The following PRLR variants were observed in gnomAD, a reference collection of about 807,000 sequenced individuals.
PRLR encodes hPRL receptor.
In PRLR, 13 loss-of-function variants were observed where a neutral mutation model predicts 40.2. That is an observed-to-expected ratio of 0.32 (90% CI 0.21 to 0.51). PRLR has a LOEUF of 0.51. Ranked by LOEUF, PRLR falls within the 20% of genes least tolerant of loss-of-function variation. The probability of loss-of-function intolerance (pLI) is 0.97; values close to 1 mark genes in which losing one functional copy is unlikely to be tolerated. For missense variants in PRLR, 656 were observed against 747.3 expected (o/e 0.88, Z 1.42); for synonymous variants, 269 against 278.7 (o/e 0.97, Z 0.35).
chr5:35,072,121 C>T (rs1469335215), intron 6 of PRLR, among the ~76,000 whole-genome samples: 3 of 152,052 alleles, frequency 2.0e-5, no homozygotes, highest in Non-Finnish European at 4.4e-5. Flanking sequence ...TTGTCTTGAA[C>T]TCCTGACCTC....
chr5:35,149,249 T>C (rs1292030269), intron 1 of PRLR, among the ~76,000 whole-genome samples: 1 of 152,162 alleles, frequency 6.6e-6, no homozygotes, highest in African/African-American at 2.4e-5. Flanking sequence ...TATCAGAATG[T>C]CTATTATCAG....
chr5:35,124,825 G>C (rs1219294826), intron 1 of PRLR, among the ~76,000 whole-genome samples: 2 of 152,152 alleles, frequency 1.3e-5, no homozygotes, highest in Admixed American at 1.3e-4. Flanking sequence ...AATTTGTCCA[G>C]AGCCCTTATT....
rs946856560 is a variant in PRLR at position 35,058,502 on chromosome 5, A to G, written c.*6587T>C. On this transcript the variant is annotated 3_prime_UTR_variant, in exon 10 of 10. Coordinates refer to ENST00000618457, the MANE Select transcript of PRLR (RefSeq NM_000949.7). ...TCAAACAACTGTTGGATTGTACTTT[A>G]AATGTGTAACACCCCAGAGCAGCTG... 1.3e-5 allele frequency: 2 copies of G among 152,248 alleles called. No individual in the cohort carries two copies. The highest frequency in any genetic ancestry group is 4.8e-5 in the African/African-American group (2 of 41,474). 9.4% of individuals were successfully genotyped at this position (152,248 alleles called of 1,614,324 possible). A position where few individuals can be genotyped will look rare whatever the true frequency, so the allele number is the denominator to read the frequency against.
At chr5:35,185,830 GGA>G (rs1243203326) in intron 1 of PRLR, among the ~76,000 whole-genome samples, 3 of 152,208 alleles carry the variant, frequency 2.0e-5, no homozygotes, top group Non-Finnish European at 2.9e-5. Context: ...TCCGTAGGAG[GGA>G]GAGAGTCGTG....
At chr5:35,184,406 C>T (rs1775371258) in intron 1 of PRLR, among the ~76,000 whole-genome samples, 1 of 151,886 alleles carries the variant, frequency 6.6e-6, no homozygotes, top group African/African-American at 2.4e-5. Flanking sequence ...CCCAGCTACT[C>T]GGTAGGCTGA....
At chr5:35,069,433 G>A (rs137958752) in intron 7 of PRLR, among the ~76,000 whole-genome samples, 316 of 152,330 alleles carry the variant, frequency 2.1e-3, no homozygotes, top group African/African-American at 7.3e-3. Context: ...AGCATGCCAA[G>A]CCAATGAAAG....
chr5:35,133,057 T>C (rs1310029466), intron 1 of PRLR, among the ~76,000 whole-genome samples: 2 of 152,132 alleles, frequency 1.3e-5, no homozygotes, highest in Admixed American at 1.3e-4. Context: ...AGCTGGGACA[T>C]CCCTCTATTC....
intron 1 of PRLR, among the ~76,000 whole-genome samples, chr5:35,139,397 C>T (rs868178929): frequency 2.0e-5 from 3 of 152,074 alleles, no homozygotes; most frequent in African/African-American, 4.8e-5. Context: ...GGATTACAGG[C>T]GTGAGCTACT....
At chr5:35,167,775 T>C (rs774105622) in intron 1 of PRLR, among the ~76,000 whole-genome samples, 1 of 151,988 alleles carries the variant, frequency 6.6e-6, no homozygotes, top group African/African-American at 2.4e-5. Context: ...TAGCACTAGG[T>C]GAATTACAAC....
intron 1 of PRLR, among the ~76,000 whole-genome samples, chr5:35,168,356 A>G (rs1774902937): frequency 6.6e-6 from 1 of 152,120 alleles, no homozygotes; most frequent in East Asian, 1.9e-4. Flanking sequence ...AAATGACTTA[A>G]TTGACGTTTA....
At chr5:35,072,408 C>T (rs1769803248) in intron 6 of PRLR, among the ~76,000 whole-genome samples, 167 bp downstream of exon 6, 1 of 152,164 alleles carries the variant, frequency 6.6e-6, no homozygotes, top group Non-Finnish European at 1.5e-5. Context: ...GAGCCCCCAT[C>T]AATCCCAATA....
At chr5:35,141,437 A>G (rs1257527943) in intron 1 of PRLR, among the ~76,000 whole-genome samples, 3 of 152,176 alleles carry the variant, frequency 2.0e-5, no homozygotes, top group African/African-American at 7.2e-5. Context: ...GGAGAGAACC[A>G]CAGACATAAT....
chr5:35,091,126 T>G (rs1190177091), intron 2 of PRLR, among the ~76,000 whole-genome samples: 1 of 152,150 alleles, frequency 6.6e-6, no homozygotes, highest in Non-Finnish European at 1.5e-5. Context: ...AGCTCTTTCA[T>G]AATGAGGCTC....
chr5:35,130,349 T>C (rs952481764), intron 1 of PRLR: 1 of 152,050 alleles, frequency 6.6e-6, no homozygotes, highest in Non-Finnish European at 1.5e-5. Context: ...AATAAGGAGT[T>C]GGGAGGGGTG....
At chr5:35,109,405 G>T (rs1025033971) in intron 2 of PRLR, among the ~76,000 whole-genome samples, 9 of 152,128 alleles carry the variant, frequency 5.9e-5, no homozygotes, top group African/African-American at 2.2e-4. Flanking sequence ...CCCAGCAAAA[G>T]AAATCACCAT....
intron 2 of PRLR, among the ~76,000 whole-genome samples, chr5:35,102,362 C>T (rs950200972): frequency 1.3e-5 from 2 of 152,020 alleles, no homozygotes; most frequent in Admixed American, 6.6e-5. Flanking sequence ...CTCCTTCCCT[C>T]GCTCCATCCT....
chr5:35,071,017 G>A (rs1769716972), intron 6 of PRLR, among the ~76,000 whole-genome samples: 2 of 152,050 alleles, frequency 1.3e-5, no homozygotes, highest in South Asian at 4.1e-4. Flanking sequence ...TTACAATCAA[G>A]GGATCAGTTT....
At chr5:35,145,127 C>G (rs1322371426) in intron 1 of PRLR, among the ~76,000 whole-genome samples, 3 of 152,164 alleles carry the variant, frequency 2.0e-5, no homozygotes, top group African/African-American at 7.2e-5. Context: ...CTCACATCAG[C>G]CTGGTTCAGC....
At chr5:35,227,384 C>T (rs189971553) in intron 1 of PRLR, among the ~76,000 whole-genome samples, 2 of 152,278 alleles carry the variant, frequency 1.3e-5, no homozygotes, top group East Asian at 1.9e-4. Context: ...CTTTCCTGAG[C>T]TAGGCGGATG....
Sources: gnomAD v4.1 joint callset for allele counts (sites outside exome capture counted in the v4.1 genomes callset) on GRCh38, gnomAD v4.1.1 for gene constraint, MANE v1.5 for transcripts, NCBI Gene and HGNC (gene_info 2026-07-23, HGNC 2026-07-21) for gene names.